Variants in CREM observed in about 807,000 individuals in gnomAD.
CREM encodes the protein cAMP-responsive element modulator.
CREM carries 13 observed loss-of-function variants against 37.3 expected under a neutral mutation model. The observed-to-expected ratio is 0.35, with a 90% CI of 0.23 to 0.55. CREM has a LOEUF of 0.55. Ranked by LOEUF, CREM falls within the 20% of genes least tolerant of loss-of-function variation. CREM has a pLI of 0.88. For missense variants in CREM, 296 were observed against 362.3 expected, an observed-to-expected ratio of 0.82 and a Z score of 1.49; for synonymous variants, 124 against 120.2, an observed-to-expected ratio of 1.03 and a Z score of -0.21.
intron 3 of CREM, among the ~76,000 whole-genome samples, chr10:35,176,651 C>T (rs759362480): frequency 3.2e-4 from 48 of 151,830 alleles, no homozygotes; most frequent in African/African-American, 1.0e-3. Context: ...CCTCGTGATC[C>T]GCCTGTCTCG....
chr10:35,184,168 CAGA>C (rs1409483443), intron 5 of CREM, among the ~76,000 whole-genome samples: 4 of 152,144 alleles, frequency 2.6e-5, no homozygotes, highest in Non-Finnish European at 5.9e-5. Flanking sequence ...AAGGCTGAGG[CAGA>C]AGGATTGCTT....
chr10:35,186,417 A>G (rs780484348), intron 5 of CREM, among the ~76,000 whole-genome samples: 25 of 151,956 alleles, frequency 1.6e-4, no homozygotes, highest in Non-Finnish European at 2.4e-4. Flanking sequence ...ATTTGTTGCC[A>G]TTAGCTGTAG....
intron 3 of CREM, among the ~76,000 whole-genome samples, chr10:35,172,569 G>T (rs2093871454): frequency 3.9e-5 from 1 of 25,896 alleles, no homozygotes; most frequent in African/African-American, 1.1e-4. Flanking sequence ...CCATCCACTT[G>T]CAGTTTTTTT....
At chr10:35,127,331 C>T (rs12764135) in intron 1 of CREM, 138 bp downstream of exon 1, 1 of 152,364 alleles carries the variant, frequency 6.6e-6, no homozygotes, top group African/African-American at 2.4e-5. Context: ...GGCGGCGGGC[C>T]GGGACCCCGG....
At chr10:35,190,904 C>T (rs1457529214) in intron 6 of CREM, among the ~76,000 whole-genome samples, 8 of 151,976 alleles carry the variant, frequency 5.3e-5, no homozygotes, top group African/African-American at 4.8e-5. Flanking sequence ...CCTCATGATC[C>T]GCCCACCTCA....
At chr10:35,170,570 A>G (rs2093765317) in intron 3 of CREM, among the ~76,000 whole-genome samples, 1 of 152,132 alleles carries the variant, frequency 6.6e-6, no homozygotes. Context: ...TATTGCCTCA[A>G]TTTCAGAGCC....
At chr10:35,167,687 C>T in intron 3 of CREM, 2 of 1,596,490 alleles carry the variant, frequency 1.3e-6, no homozygotes, top group Non-Finnish European at 1.7e-6. Flanking sequence ...TACCTTATTT[C>T]TTCAGATTAA....
At chr10:35,154,822 G>A (rs1232328352) in intron 3 of CREM, among the ~76,000 whole-genome samples, 4 of 152,072 alleles carry the variant, frequency 2.6e-5, no homozygotes, top group African/African-American at 9.7e-5. Context: ...GTAATTCAAG[G>A]TTCAGAGGCC....
intron 6 of CREM, among the ~76,000 whole-genome samples, chr10:35,206,345 CATT>C (rs1263735738): frequency 1.3e-5 from 2 of 151,684 alleles, no homozygotes; most frequent in Non-Finnish European, 2.9e-5. Context: ...ACATTAAAAA[CATT>C]AGTACTCAAA....
chr10:35,154,745 A>G lies in CREM; in HGVS notation c.168+6254A>G, dbSNP rs151187991. ...TTTCAATAAATGCTAAATCTGTATT[A>G]TAAAATGTTCCTTAGTCATCCAATT... is the stretch of plus-strand genomic sequence containing the variant. On this transcript the variant is annotated intron_variant, in intron 3 of 7. Coordinates refer to ENST00000685392, the MANE Select transcript of CREM (RefSeq NM_183011.2). Among the ~76,000 whole-genome samples, 344 of 152,314 alleles carry G rather than the reference A, an allele frequency of 2.3e-3. 1 individual carries two copies. The highest frequency in any genetic ancestry group is 4.2e-3 in the Non-Finnish European group (287 of 68,002).
chr10:35,189,934 G>A (rs1280401462), intron 6 of CREM, among the ~76,000 whole-genome samples: 2 of 152,196 alleles, frequency 1.3e-5, no homozygotes, highest in African/African-American at 2.4e-5. Context: ...TGGTAAAAGT[G>A]TGTGAAGAAC....
intron 3 of CREM, among the ~76,000 whole-genome samples, chr10:35,172,735 A>G (rs1024602489): frequency 3.3e-4 from 50 of 152,190 alleles, no homozygotes; most frequent in African/African-American, 1.1e-3. Context: ...CTGACGACCC[A>G]TGGTGTTCTT....
At chr10:35,149,455 A>G (rs2092414581) in intron 3 of CREM, among the ~76,000 whole-genome samples, 1 of 152,134 alleles carries the variant, frequency 6.6e-6, no homozygotes, top group African/African-American at 2.4e-5. Context: ...TGTACTCTAA[A>G]TAGTATTGAA....
chr10:35,130,219 A>AT (rs1217357370), intron 1 of CREM, among the ~76,000 whole-genome samples: 22 of 141,676 alleles, frequency 1.6e-4, no homozygotes, highest in South Asian at 8.7e-4. Context: ...AAAAAAAAAA[A>AT]TTTTTTTTGG....
intron 5 of CREM, among the ~76,000 whole-genome samples, chr10:35,185,855 G>C (rs563985548): frequency 2.0e-5 from 3 of 152,310 alleles, no homozygotes; most frequent in African/African-American, 7.2e-5. Flanking sequence ...GCAGCATGTG[G>C]AAGTCTTTTT....
chr10:35,177,759 T>G (rs921849252), intron 3 of CREM, among the ~76,000 whole-genome samples: 1 of 152,206 alleles, frequency 6.6e-6, no homozygotes, highest in African/African-American at 2.4e-5. Context: ...GAACTTTAAT[T>G]TTCACCTTTC....
chr10:35,175,050 A>G (rs563412285), intron 3 of CREM, among the ~76,000 whole-genome samples: 62 of 152,332 alleles, frequency 4.1e-4, no homozygotes, highest in African/African-American at 1.3e-3. Flanking sequence ...CTTTTTAGTT[A>G]TTATGAGGGC....
chr10:35,135,265 A>G (rs895905439), intron 1 of CREM, among the ~76,000 whole-genome samples: 3 of 152,222 alleles, frequency 2.0e-5, no homozygotes, highest in African/African-American at 7.2e-5. Flanking sequence ...ACTTGCCTAT[A>G]ACAAACTAAT....
intron 5 of CREM, among the ~76,000 whole-genome samples, chr10:35,181,997 A>T (rs114726920): frequency 2.6e-3 from 392 of 152,348 alleles, no homozygotes; most frequent in African/African-American, 9.1e-3. Context: ...TCTGATGAGA[A>T]GTTATAGTTC....
Sources: allele counts gnomAD v4.1 joint callset (sites outside exome capture counted in the v4.1 genomes callset), GRCh38; gene constraint gnomAD v4.1.1; transcripts MANE v1.5; gene names NCBI Gene and HGNC (gene_info 2026-07-23, HGNC 2026-07-21).